The following XIRP2 variants were observed in gnomAD, a reference collection of about 807,000 sequenced individuals.
XIRP2 encodes the protein xin actin binding repeat containing 2, also known as xin actin-binding repeat-containing protein 2.
Under a neutral mutation model 277.0 loss-of-function variants are expected in XIRP2, and 236 were observed. That is an observed-to-expected ratio of 0.85 (90% confidence interval 0.77 to 0.95). The LOEUF is 0.95. Ranked by LOEUF, XIRP2 falls within the 40% of genes least tolerant of loss-of-function variation. The probability of loss-of-function intolerance (pLI) is 0.00; values close to 1 mark genes in which losing one functional copy is unlikely to be tolerated. For synonymous variants in XIRP2, 1,490 were observed against 1,416.5 expected, an observed-to-expected ratio of 1.05 and a Z score of -1.17; for missense variants, 4,640 against 4,157.5, an observed-to-expected ratio of 1.12 and a Z score of -3.19.
chr2:167,199,205 A>G (rs1693607712), intron 3 of XIRP2, among the ~76,000 whole-genome samples: 1 of 152,172 alleles, frequency 6.6e-6, no homozygotes. Flanking sequence ...GAAATTCCTA[A>G]AACACATTCA....
intron 3 of XIRP2, among the ~76,000 whole-genome samples, chr2:167,148,427 G>GAAAGAA (rs1020268760): frequency 3.2e-5 from 4 of 126,334 alleles, no homozygotes; most frequent in Admixed American, 2.7e-4. Flanking sequence ...GAGAAAGAAA[G>GAAAGAA]AAAGAAAAAG....
chr2:167,211,007 G>A (rs971125408), intron 4 of XIRP2, 112 bp downstream of exon 4: 1 of 1,330,422 alleles, frequency 7.5e-7, no homozygotes, highest in Non-Finnish European at 1.0e-6. Flanking sequence ...AAAGTAGAAA[G>A]AGCACAAAAA....
At chr2:167,190,530 T>C (rs780837160) in intron 3 of XIRP2, among the ~76,000 whole-genome samples, 2 of 152,178 alleles carry the variant, frequency 1.3e-5, no homozygotes, top group African/African-American at 2.4e-5. Context: ...CACAATATGG[T>C]CTTCTCCTTT....
rs111985203 is a variant in XIRP2 at position 166,909,664 on chromosome 2, G to A, written c.408+5774G>A. Among the ~76,000 whole-genome samples the A allele has an allele frequency of 3.2e-3, 486 of 152,330 alleles. 4 individuals are homozygous for A. The highest frequency in any genetic ancestry group is 0.011 in the African/African-American group (440 of 41,568). ...ACTTCCAACACTATGTTGAATAGGA[G>A]TGGTGAGAGAGGGCATCCCTGTCTT... On this transcript the variant is annotated intron_variant, in intron 2 of 10. Transcript: ENST00000409195.
intron 2 of XIRP2, among the ~76,000 whole-genome samples, chr2:166,943,302 A>T (rs1046833404): frequency 1.3e-5 from 2 of 152,224 alleles, no homozygotes; most frequent in African/African-American, 4.8e-5. Flanking sequence ...ATAATTCTAA[A>T]CAAACATTTA....
At chr2:167,009,084 T>C (rs1256283156) in intron 2 of XIRP2, among the ~76,000 whole-genome samples, 1 of 151,688 alleles carries the variant, frequency 6.6e-6, no homozygotes, top group African/African-American at 2.4e-5. Context: ...TTATTACATT[T>C]TAAGTTTTAG....
rs185180188 is a variant in XIRP2 at position 166,908,908 on chromosome 2, T to A, written c.408+5018T>A. Among the ~76,000 whole-genome samples the A allele has an allele frequency of 4.2e-3, 633 of 152,352 alleles. 4 individuals are homozygous for A. The highest frequency in any genetic ancestry group is 0.014 in the African/African-American group (584 of 41,568). On this transcript the variant is annotated intron_variant, in intron 2 of 10. Coordinates refer to ENST00000409195, the MANE Select transcript of XIRP2 (RefSeq NM_152381.6). ...CCATTTCTTGTTTTTGTCAGGTTTG[T>A]CAAAGATCAGATGGTTGTAGATGTG...
intron 1 of XIRP2, among the ~76,000 whole-genome samples, chr2:166,901,588 T>C (rs978507918): frequency 2.6e-5 from 4 of 152,070 alleles, no homozygotes; most frequent in Non-Finnish European, 5.9e-5. Flanking sequence ...AATTCTTTCA[T>C]TAAATAACCT....
intron 2 of XIRP2, among the ~76,000 whole-genome samples, chr2:167,096,534 A>G (rs544691725): frequency 1.5e-4 from 23 of 151,582 alleles, no homozygotes; most frequent in South Asian, 2.1e-4. Flanking sequence ...AGGGTTTTTC[A>G]TGTCTCTATC....
At chr2:166,970,777 A>C (rs1686557469) in intron 2 of XIRP2, among the ~76,000 whole-genome samples, 1 of 151,944 alleles carries the variant, frequency 6.6e-6, no homozygotes, top group Admixed American at 6.6e-5. Flanking sequence ...AATATCAATA[A>C]TATTTTCCTT....
intron 3 of XIRP2, among the ~76,000 whole-genome samples, chr2:167,201,383 C>A (rs553393141): frequency 8.6e-6 from 1 of 116,770 alleles, no homozygotes; most frequent in African/African-American, 5.0e-5. Context: ...AGGGCAGGAA[C>A]GGTACCATAT....
At chr2:167,035,907 C>G (rs1688495126) in intron 2 of XIRP2, among the ~76,000 whole-genome samples, 1 of 152,222 alleles carries the variant, frequency 6.6e-6, no homozygotes, top group Admixed American at 6.5e-5. Flanking sequence ...CTGCTCCAGC[C>G]ATGGCTGAAA....
intron 2 of XIRP2, among the ~76,000 whole-genome samples, chr2:167,023,833 G>C (rs1195949481): frequency 1.3e-5 from 2 of 152,114 alleles, no homozygotes; most frequent in South Asian, 2.1e-4. Flanking sequence ...TTTGGTACCA[G>C]TACCATGCTG....
intron 2 of XIRP2, among the ~76,000 whole-genome samples, chr2:166,940,646 G>C (rs1368838187): frequency 6.6e-6 from 1 of 152,162 alleles, no homozygotes; most frequent in Non-Finnish European, 1.5e-5. Context: ...CTTTCTGTTT[G>C]TTAGTTTTCC....
chr2:166,935,255 A>C (rs1456885764), intron 2 of XIRP2, among the ~76,000 whole-genome samples: 1 of 152,218 alleles, frequency 6.6e-6, no homozygotes, highest in African/African-American at 2.4e-5. Context: ...AAAATGATGA[A>C]TATCTAATGT....
intron 2 of XIRP2, among the ~76,000 whole-genome samples, chr2:167,088,430 T>A (rs1690028957): frequency 6.6e-6 from 1 of 152,120 alleles, no homozygotes; most frequent in Non-Finnish European, 1.5e-5. Context: ...TGGACAGCTG[T>A]GTGACACTTC....
At chr2:166,928,629 A>T (rs1337414634) in intron 2 of XIRP2, among the ~76,000 whole-genome samples, 1 of 152,098 alleles carries the variant, frequency 6.6e-6, no homozygotes, top group Non-Finnish European at 1.5e-5. Flanking sequence ...CATAGTTTTA[A>T]TTTCTTATCT....
chr2:167,095,116 G>A (rs1690263307), intron 2 of XIRP2, among the ~76,000 whole-genome samples: 1 of 151,972 alleles, frequency 6.6e-6, no homozygotes, highest in South Asian at 2.1e-4. Context: ...GGCTTTGTTT[G>A]TCTATTATTG....
Position 166,946,081 on chromosome 2 carries a change from C to T in XIRP2, c.408+42191C>T, listed in dbSNP as rs1420518980. ...ATCTTTTCTATGGTTTCTGTCAAAA[C>T]TCTCACAGATGAGAAGATCTTCATC... On this transcript the variant is annotated intron_variant, in intron 2 of 10. Coordinates refer to ENST00000409195, the MANE Select transcript of XIRP2 (RefSeq NM_152381.6). 2.6e-5 allele frequency among the ~76,000 whole-genome samples: 4 copies of T among 152,244 alleles called. No individual in the cohort carries two copies. The East Asian group carries it at 7.7e-4, about 29-fold the overall frequency.
Sources: gnomAD v4.1 joint callset for allele counts (sites outside exome capture counted in the v4.1 genomes callset) on GRCh38, gnomAD v4.1.1 for gene constraint, MANE v1.5 for transcripts, NCBI Gene and HGNC (gene_info 2026-07-23, HGNC 2026-07-21) for gene names.